The following EXOC4 variants were observed in gnomAD, a reference collection of about 807,000 sequenced individuals.
EXOC4 encodes exocyst complex component 4, also known as SEC8-like 1.
In EXOC4, 71 loss-of-function variants were observed where a neutral mutation model predicts 107.2. The ratio of observed to expected loss-of-function variants is 0.66; its 90% CI spans 0.55 to 0.81. The LOEUF (loss-of-function observed/expected upper bound fraction) is 0.81. EXOC4 is among the 30% of genes least tolerant of loss of function. The pLI is 0.00. For missense variants in EXOC4, 1,108 were observed against 1,189.6 expected, an observed-to-expected ratio of 0.93 and a Z score of 1.01; for synonymous variants, 456 against 441.2, an observed-to-expected ratio of 1.03 and a Z score of -0.42.
At chr7:133,542,169 TTG>T (rs3046171) in intron 9 of EXOC4, among the ~76,000 whole-genome samples, 17 of 147,046 alleles carry the variant, frequency 1.2e-4, no homozygotes, top group Non-Finnish European at 1.9e-4. Context: ...AAATTTTATC[TTG>T]TGTGTGTGTG....
At chr7:133,285,819 G>C (rs1794262883) in intron 2 of EXOC4, among the ~76,000 whole-genome samples, 1 of 151,412 alleles carries the variant, frequency 6.6e-6, no homozygotes, top group Admixed American at 6.6e-5. Flanking sequence ...GGATGCAGTG[G>C]CACTATCATG....
At chr7:134,027,597 G>T (rs1426552168) in intron 17 of EXOC4, among the ~76,000 whole-genome samples, 2 of 148,350 alleles carry the variant, frequency 1.3e-5, no homozygotes, top group Admixed American at 6.8e-5. Context: ...GGTGGAGGTC[G>T]CAGTGAGCCG....
At chr7:133,377,884 A>G (rs796371000) in intron 7 of EXOC4, among the ~76,000 whole-genome samples, 1 of 152,252 alleles carries the variant, frequency 6.6e-6, no homozygotes, top group African/African-American at 2.4e-5. Context: ...CTGAAAAGAA[A>G]CAAAAATTGT....
rs540933494 is a variant in EXOC4, at chr7:133,546,753, T to A, written c.1417+66615T>A. Among the ~76,000 whole-genome samples, 236 of 152,332 alleles carry A rather than the reference T, an allele frequency of 1.5e-3. 2 individuals are homozygous for A. Among genetic ancestry groups the A allele is most frequent in the African/African-American group, 5.2e-3 (218 of 41,576 alleles). ...GTATTTTGTAGATACCATTCTATTCTTATATGGTTGGCTTCTCTGCTCTGG... is the reference window on the plus strand; with the variant it reads ...GTATTTTGTAGATACCATTCTATTCATATATGGTTGGCTTCTCTGCTCTGG... On this transcript the variant is annotated intron_variant, in intron 9 of 17. Coordinates refer to ENST00000253861, the MANE Select transcript of EXOC4 (RefSeq NM_021807.4).
intron 10 of EXOC4, among the ~76,000 whole-genome samples, chr7:133,700,014 A>C (rs1351555745): frequency 6.6e-6 from 1 of 152,184 alleles, no homozygotes. Context: ...CATTATGTTC[A>C]TGTGTTATTC....
chr7:134,091,529 A>G, the EXOC4 span, among the ~76,000 whole-genome samples: 1 of 152,150 alleles, frequency 6.6e-6, no homozygotes, highest in Admixed American at 6.5e-5. Flanking sequence ...TCATCTTGTG[A>G]TTTAGAATGC....
rs145271795 is a variant in EXOC4, at chr7:133,253,115, C to T, written c.14C>T (p.Ala5Val). Residue 5 changes from alanine (A) to valine (V), a missense_variant, in exon 1 of 18, where the codon GCA becomes GTA. Transcript: ENST00000253861. The stretch of plus-strand genomic sequence containing the variant: ...CCCGCGTCCAAGATGGCGGCAGAAG[C>T]AGCTGGTGGGAAATACAGAAGCACA... MAAE[A>V]AGGKYRSTVS... 5 of 1,614,162 alleles carry T rather than the reference C, an allele frequency of 3.1e-6. No homozygotes were observed. The highest frequency in any genetic ancestry group is 4.2e-6 in the Non-Finnish European group (5 of 1,180,010).
intron 5 of EXOC4, among the ~76,000 whole-genome samples, chr7:133,354,940 T>C (rs1795990725): frequency 6.6e-6 from 1 of 152,072 alleles, no homozygotes; most frequent in Admixed American, 6.6e-5. Flanking sequence ...GGTGGGGAGA[T>C]TCCTGGTGCC....
intron 17 of EXOC4, among the ~76,000 whole-genome samples, chr7:134,042,510 G>A (rs921334841): frequency 6.6e-6 from 1 of 151,576 alleles, no homozygotes; most frequent in African/African-American, 2.4e-5. Context: ...AAGGACACAT[G>A]ACAAATATGG....
intron 14 of EXOC4, among the ~76,000 whole-genome samples, chr7:133,981,635 T>C (rs2953620): frequency 0.73 from 111,136 of 151,956 alleles, 41,286 homozygotes; most frequent in East Asian, 0.91. Flanking sequence ...AAAGGGAACA[T>C]TTATACCCTC....
intron 7 of EXOC4, among the ~76,000 whole-genome samples, chr7:133,448,830 C>A (rs781174506): frequency 6.6e-6 from 1 of 152,152 alleles, no homozygotes; most frequent in African/African-American, 2.4e-5. Context: ...TTAGGCCAGG[C>A]GTGGTGGCTC....
chr7:134,029,007 G>A (rs1795208183), intron 17 of EXOC4, among the ~76,000 whole-genome samples: 1 of 152,150 alleles, frequency 6.6e-6, no homozygotes, highest in African/African-American at 2.4e-5. Flanking sequence ...GAGTCAGGAG[G>A]AACCAGCCAT....
chr7:133,901,962 C>G (rs1182981944), intron 12 of EXOC4, among the ~76,000 whole-genome samples: 3 of 152,148 alleles, frequency 2.0e-5, no homozygotes, highest in African/African-American at 4.8e-5. Flanking sequence ...TTCAAATTAC[C>G]TTTGGAAACA....
chr7:133,932,109 C>A (rs1451568906), intron 13 of EXOC4, among the ~76,000 whole-genome samples: 1 of 152,224 alleles, frequency 6.6e-6, no homozygotes, highest in Non-Finnish European at 1.5e-5. Flanking sequence ...TCTAAATTTT[C>A]TCTCTCCAGT....
chr7:133,906,182 G>A (rs908521584), intron 12 of EXOC4, among the ~76,000 whole-genome samples: 1 of 152,180 alleles, frequency 6.6e-6, no homozygotes, highest in Non-Finnish European at 1.5e-5. Context: ...CTAGACACTA[G>A]GGACTCTGGT....
intron 14 of EXOC4, among the ~76,000 whole-genome samples, chr7:133,957,053 A>G (rs917613993): frequency 9.9e-5 from 15 of 152,046 alleles, no homozygotes; most frequent in Non-Finnish European, 1.5e-4. Flanking sequence ...GCATCTTTTC[A>G]GTGTTCCTCA....
At chr7:133,308,702 T>C (rs373716210) in intron 4 of EXOC4, among the ~76,000 whole-genome samples, 1 of 152,308 alleles carries the variant, frequency 6.6e-6, no homozygotes, top group African/African-American at 2.4e-5. Flanking sequence ...GAATTTAAGG[T>C]AAAATGAATA....
At chr7:133,509,613 A>G (rs979847995) in intron 9 of EXOC4, among the ~76,000 whole-genome samples, 56 of 152,274 alleles carry the variant, frequency 3.7e-4, no homozygotes, top group Non-Finnish European at 6.9e-4. Context: ...AAGCACTAGT[A>G]GAGCAGGAAG....
At chr7:133,710,638 C>A (rs1186392403) in intron 10 of EXOC4, among the ~76,000 whole-genome samples, 1 of 132,954 alleles carries the variant, frequency 7.5e-6, no homozygotes, top group Non-Finnish European at 1.6e-5. Context: ...CCAGCCTGGG[C>A]GACAGAGTGA....
Sources: gnomAD v4.1 joint callset for allele counts (sites outside exome capture counted in the v4.1 genomes callset) on GRCh38, gnomAD v4.1.1 for gene constraint, MANE v1.5 for transcripts, NCBI Gene and HGNC (gene_info 2026-07-23, HGNC 2026-07-21) for gene names.